Variants in SEMA7A observed in about 807,000 individuals in gnomAD.
SEMA7A encodes the protein semaphorin 7A (JohnMiltonHagen blood group).
Under a neutral mutation model 67.5 loss-of-function variants are expected in SEMA7A, and 21 were observed. That is an observed-to-expected ratio of 0.31 (90% CI 0.22 to 0.45). SEMA7A has a LOEUF of 0.45. SEMA7A is among the 20% of genes least tolerant of loss of function. SEMA7A has a pLI of 1.00. For synonymous variants in SEMA7A, 364 were observed against 368.5 expected (o/e 0.99, Z 0.14); for missense variants, 774 against 908.6 (o/e 0.85, Z 1.90).
At chr15:74,429,627 C>T (rs568664215) in intron 1 of SEMA7A, among the ~76,000 whole-genome samples, 2 of 152,358 alleles carry the variant, frequency 1.3e-5, no homozygotes, top group South Asian at 2.1e-4. Context: ...GAGGCCTTCC[C>T]TGCCTGCCAC....
In SEMA7A at chr15:74,417,378, G is replaced by A. The variant is rs375039329; in HGVS notation, c.618C>T (p.Ile206=). ...YNGKIPRFRR[I]RGESELYTSD... ...TGGTGTACAGCTCACTCTCGCCCCGGATGCGGCGGAACCGAGGGATCTTCC... is the reference window on the plus strand; with the variant it reads ...TGGTGTACAGCTCACTCTCGCCCCGAATGCGGCGGAACCGAGGGATCTTCC... Residue 206 remains isoleucine, a synonymous_variant, in exon 6 of 14, where the codon ATC becomes ATT. Coordinates refer to ENST00000261918, the MANE Select transcript of SEMA7A (RefSeq NM_003612.5). The A allele has an allele frequency of 2.5e-6, 4 of 1,614,032 alleles. No individual in the cohort carries two copies. The highest frequency in any genetic ancestry group is 3.4e-6 in the Non-Finnish European group (4 of 1,179,992).
rs964003025 is a variant in SEMA7A, at chr15:74,433,853, CGGCGGGCCA to C, written c.57_65del (p.Gly20_Pro22del). 235 of 1,317,434 alleles carry C rather than the reference CGGCGGGCCA, an allele frequency of 1.8e-4. No individual in the cohort carries two copies. Among genetic ancestry groups the C allele is most frequent in the Non-Finnish European group, 2.2e-4 (231 of 1,040,766 alleles). 81.6% of individuals were successfully genotyped at this position (1,317,434 alleles called of 1,614,324 possible). A position where few individuals can be genotyped will look rare whatever the true frequency, so the allele number is the denominator to read the frequency against. On this transcript the variant is annotated inframe_deletion, in exon 1 of 14. Transcript: ENST00000261918. Reference sequence around the variant, plus strand: ...GCCGCAGCGGAAGCCCCAACCGAGCCGGCGGGCCAGGGACGCGGGCGCGCGGTGCGCTGG... The same window carrying C: ...GCCGCAGCGGAAGCCCCAACCGAGCCGGGACGCGGGCGCGCGGTGCGCTGG...
chr15:74,431,412 C>T (rs2061087523), intron 1 of SEMA7A, among the ~76,000 whole-genome samples: 1 of 152,218 alleles, frequency 6.6e-6, no homozygotes, highest in Non-Finnish European at 1.5e-5. Flanking sequence ...GAGTTCCCTG[C>T]TTTAATCTTT....
intron 1 of SEMA7A, among the ~76,000 whole-genome samples, chr15:74,422,612 T>C (rs768608982): frequency 4.6e-5 from 7 of 152,126 alleles, no homozygotes; most frequent in African/African-American, 7.2e-5. Flanking sequence ...TCCGGCCAGA[T>C]AGGAGGGCTG....
chr15:74,418,812 A>C lies in SEMA7A; in HGVS notation c.319T>G (p.Ser107Ala). The C allele has an allele frequency of 6.2e-7, 1 of 1,613,734 alleles. No homozygotes were observed. Among genetic ancestry groups the C allele is most frequent in the South Asian group, 1.1e-5 (1 of 91,076 alleles). ...LFDFPEGKNA[S>A]VRTVNIGSTK... is the part of the protein sequence containing the mutation. ...AGAGAGAGGCTCACCGTGCGCACAGATGCGTTCTTGCCCTCGGGGAAGTCA... is the reference window on the plus strand; with the variant it reads ...AGAGAGAGGCTCACCGTGCGCACAGCTGCGTTCTTGCCCTCGGGGAAGTCA... The change falls in exon 2 of 14, where the codon TCT becomes GCT. Residue 107 changes from serine (S) to alanine (A), a missense_variant. By Grantham distance (99) the Ser-to-Ala change is moderately conservative. This residue lies in a region of SEMA7A where 347 missense variants were observed against 353.2 expected (regional missense o/e 0.98). Coordinates refer to ENST00000261918, the MANE Select transcript of SEMA7A (RefSeq NM_003612.5).
rs149007541 is a variant in SEMA7A, at chr15:74,411,564, G to A, written c.1569C>T (p.Ser523=). The A allele has an allele frequency of 3.4e-4, 533 of 1,572,658 alleles. No individual in the cohort carries two copies. The highest frequency in any genetic ancestry group is 4.2e-4 in the Non-Finnish European group (486 of 1,158,156). The part of the protein sequence containing the change: ...WDQGRCISIY[S]SERSVLQSIN... ...GATCCCGGCCAACGTACCGTTCGGAGCTGTAGATGGAGATGCAGCGGCCTT... is the reference window on the plus strand; with the variant it reads ...GATCCCGGCCAACGTACCGTTCGGAACTGTAGATGGAGATGCAGCGGCCTT... The change falls in exon 12 of 14, where the codon AGC becomes AGT. Residue 523 remains serine (S), a synonymous_variant. Coordinates refer to ENST00000261918, the MANE Select transcript of SEMA7A (RefSeq NM_003612.5). The surrounding 1 kb of genome is among the most constrained non-coding windows in gnomAD (Gnocchi z 4.4).
chr15:74,430,359 A>T (rs1220454838), intron 1 of SEMA7A, among the ~76,000 whole-genome samples: 2 of 152,184 alleles, frequency 1.3e-5, no homozygotes, highest in Admixed American at 1.3e-4. Context: ...CATCCCAGAG[A>T]GAGAGAAATC....
chr15:74,411,152 G>C lies in SEMA7A; in HGVS notation c.1639+143C>G, dbSNP rs1468163416. Reference sequence around the variant, plus strand: ...TCCCGTCTCGCTCATCCCACCAAGAGGGCTCCCTCTGCAGGACTGTATCCT... The same window carrying C: ...TCCCGTCTCGCTCATCCCACCAAGACGGCTCCCTCTGCAGGACTGTATCCT... On this transcript the variant is annotated intron_variant, in intron 13 of 13. Transcript: ENST00000261918. The surrounding 1 kb of genome is among the most constrained non-coding windows in gnomAD (Gnocchi z 4.4). The C allele has an allele frequency of 1.5e-6, 2 of 1,325,782 alleles. No homozygotes were observed. The highest frequency in any genetic ancestry group is 3.0e-5 in the African/African-American group (2 of 67,528). 82.1% of individuals were successfully genotyped at this position (1,325,782 alleles called of 1,614,324 possible).
At position 74,411,235 on chromosome 15, in the gene SEMA7A, C is replaced by A; in HGVS notation, c.1639+60G>T. On this transcript the variant is annotated intron_variant, in intron 13 of 13. Transcript: ENST00000261918. The surrounding 1 kb of genome is among the most constrained non-coding windows in gnomAD (Gnocchi z 4.4). ...CATGTCTCCCTCAGACCAGGACAATCAGGGCAGGGCAGTACCCCACTCATT... is the reference window on the plus strand; with the variant it reads ...CATGTCTCCCTCAGACCAGGACAATAAGGGCAGGGCAGTACCCCACTCATT... The A allele has an allele frequency of 6.4e-7, 1 of 1,552,668 alleles. No individual in the cohort carries two copies. Among genetic ancestry groups the A allele is most frequent in the Non-Finnish European group, 8.8e-7 (1 of 1,133,976 alleles).
In SEMA7A at chr15:74,411,992, C is replaced by T. The variant is rs1400038937; in HGVS notation, c.1315G>A (p.Val439Met). The change falls in exon 11 of 14, where the codon GTG (valine) becomes ATG (methionine). Residue 439 changes from valine to methionine, a missense_variant. Physicochemically the swap from Val to Met is conservative, Grantham distance 21. This residue lies in a region of SEMA7A where 427 missense variants were observed against 555.4 expected (regional missense o/e 0.77). Transcript: ENST00000261918. This position sits in a 1 kb window ranked among gnomAD's most constrained non-coding sequence, Gnocchi z 4.4. ...LTTDRGTIHKVVEPGEQEHSF... is the reference protein window; with the variant it reads ...LTTDRGTIHKMVEPGEQEHSF... ...TGCTCCTGCTCCCCCGGTTCCACCACCTTGTGGATAGTGCCCCTGTCTGTG... is the reference window on the plus strand; with the variant it reads ...TGCTCCTGCTCCCCCGGTTCCACCATCTTGTGGATAGTGCCCCTGTCTGTG... 1.2e-6 allele frequency: 2 copies of T among 1,613,944 alleles called. No individual in the cohort carries two copies. Among genetic ancestry groups the T allele is most frequent in the South Asian group, 1.1e-5 (1 of 91,070 alleles).
chr15:74,413,878 A>C (rs927612577), intron 10 of SEMA7A, among the ~76,000 whole-genome samples: 2 of 152,152 alleles, frequency 1.3e-5, no homozygotes, highest in African/African-American at 2.4e-5. Context: ...TTCCAGTCTC[A>C]AGGAAGGCAG....
intron 6 of SEMA7A, among the ~76,000 whole-genome samples, chr15:74,417,111 C>G (rs930543097): frequency 6.6e-6 from 1 of 152,122 alleles, no homozygotes; most frequent in Non-Finnish European, 1.5e-5. Flanking sequence ...GGGGCTCCCT[C>G]TGTTTGTGTT....
At chr15:74,426,147 C>A (rs887212718) in intron 1 of SEMA7A, among the ~76,000 whole-genome samples, 2 of 152,070 alleles carry the variant, frequency 1.3e-5, no homozygotes, top group Non-Finnish European at 2.9e-5. Context: ...TGGTGGTGTG[C>A]GCCTGTACTC....
rs544666382 is a variant in SEMA7A at position 74,414,279 on chromosome 15, T to C, written c.1294+268A>G. The stretch of plus-strand genomic sequence containing the variant: ...CAGACATCTGGACCAAAGGTGCACC[T>C]GGCTTTGCTCAGACTCTCCAGATTT... On this transcript the variant is annotated intron_variant, in intron 10 of 13. Transcript: ENST00000261918. This position sits in a 1 kb window ranked among gnomAD's most constrained non-coding sequence, Gnocchi z 4.1. 6.6e-6 allele frequency among the ~76,000 whole-genome samples: 1 copy of C among 152,296 alleles called. No homozygotes were observed. The highest frequency in any genetic ancestry group is 1.9e-4 in the East Asian group (1 of 5,178).
At chr15:74,417,111 C>T (rs930543097) in intron 6 of SEMA7A, among the ~76,000 whole-genome samples, 3 of 152,122 alleles carry the variant, frequency 2.0e-5, no homozygotes, top group Admixed American at 6.5e-5. Context: ...GGGGCTCCCT[C>T]TGTTTGTGTT....
chr15:74,414,973 T>C lies in SEMA7A; in HGVS notation c.987-27A>G, dbSNP rs775344937. 6.3e-6 allele frequency: 10 copies of C among 1,597,654 alleles called. No homozygotes were observed. Among genetic ancestry groups the C allele is most frequent in the African/African-American group, 5.4e-5 (4 of 74,476 alleles). ...TGCAGTGACATGGAGACCAGCTCAA[T>C]GGGGGGCCCAGAACCCACCCATCCA... On this transcript the variant is annotated intron_variant, in intron 8 of 13. Transcript: ENST00000261918. This position sits in a 1 kb window ranked among gnomAD's most constrained non-coding sequence, Gnocchi z 4.1.
At chr15:74,425,548 G>C (rs2061037804) in intron 1 of SEMA7A, among the ~76,000 whole-genome samples, 2 of 152,218 alleles carry the variant, frequency 1.3e-5, no homozygotes, top group South Asian at 4.1e-4. Context: ...GGCCCAGTTA[G>C]AGGCTACTTG....
Position 74,417,840 on chromosome 15 carries a change from G to C in SEMA7A, c.465+37C>G, listed in dbSNP as rs745654878. The C allele has an allele frequency of 2.5e-6, 4 of 1,607,034 alleles. No homozygotes were observed. In the African/African-American group the frequency reaches 5.3e-5, roughly 21 times the overall value. ...GGGGCAGAAGCCCACGCAGTAGAAGGTGAGCTGATCAGGCACATGGGGAGC... is the reference window on the plus strand; with the variant it reads ...GGGGCAGAAGCCCACGCAGTAGAAGCTGAGCTGATCAGGCACATGGGGAGC... On this transcript the variant is annotated intron_variant, in intron 4 of 13. Transcript: ENST00000261918.
At chr15:74,417,776 G>A (rs2060964510) in intron 4 of SEMA7A, 101 bp from the exon 5 acceptor site, 1 of 1,545,712 alleles carries the variant, frequency 6.5e-7, no homozygotes, top group Admixed American at 1.7e-5. Flanking sequence ...CCCAGGGCAA[G>A]GCCAGCATTG....
Sources: gnomAD v4.1 joint callset for allele counts (sites outside exome capture counted in the v4.1 genomes callset) on GRCh38, gnomAD v4.1.1 for gene constraint, gnomAD v4.1.1 regional missense constraint, Gnocchi (gnomAD v3.1) non-coding constraint, MANE v1.5 for transcripts, NCBI Gene and HGNC (gene_info 2026-07-23, HGNC 2026-07-21) for gene names.